APC: variants seen among roughly 807,000 people sequenced by gnomAD.
The protein encoded by APC is adenomatous polyposis coli protein.
In APC, 72 loss-of-function variants were observed where a neutral mutation model predicts 247.0. The ratio of observed to expected loss-of-function variants is 0.29; its 90% CI spans 0.24 to 0.35. APC has a LOEUF of 0.35. Among genes scored for constraint, APC ranks in the 10% least tolerant of loss-of-function variants. APC has a pLI of 1.00. For synonymous variants in APC, 1,254 were observed against 1,162.5 expected, an observed-to-expected ratio of 1.08 and a Z score of -1.60; for missense variants, 3,400 against 3,360.7, an observed-to-expected ratio of 1.01 and a Z score of -0.29.
intron 1 of APC, among the ~76,000 whole-genome samples, chr5:112,731,898 A>G (rs1404372787): frequency 6.6e-6 from 1 of 152,122 alleles, no homozygotes; most frequent in Admixed American, 6.5e-5. Flanking sequence ...AGTATCTGGG[A>G]CTACAGGCAT....
At chr5:112,791,877 T>C (rs1759644454) in intron 6 of APC, among the ~76,000 whole-genome samples, 1 of 152,250 alleles carries the variant, frequency 6.6e-6, no homozygotes, top group South Asian at 2.1e-4. Flanking sequence ...CAATTTGATA[T>C]ATGACTTGTA....
At chr5:112,783,676 A>G (rs1243892843) in intron 6 of APC, 3 of 233,514 alleles carry the variant, frequency 1.3e-5, no homozygotes, top group Non-Finnish European at 2.5e-5. Context: ...ACATCTGTAG[A>G]CCTAGTTACT....
intron 4 of APC, among the ~76,000 whole-genome samples, chr5:112,770,599 G>T (rs1214757590): frequency 1.3e-5 from 2 of 152,050 alleles, no homozygotes; most frequent in African/African-American, 4.8e-5. Context: ...AACTCTCACT[G>T]ATCATTAGTA....
intron 2 of APC, among the ~76,000 whole-genome samples, chr5:112,757,406 C>T (rs1340041373): frequency 6.6e-6 from 1 of 152,086 alleles, no homozygotes; most frequent in Admixed American, 6.6e-5. Context: ...ACTCGAATCA[C>T]GTTTCCTGTT....
At chr5:112,787,976 A>G (rs1252195431) in intron 6 of APC, among the ~76,000 whole-genome samples, 1 of 152,184 alleles carries the variant, frequency 6.6e-6, no homozygotes, top group African/African-American at 2.4e-5. Context: ...ACATGTGTGT[A>G]TATATAGTTA....
In APC at chr5:112,841,941, A is replaced by G. The variant is rs760961536; in HGVS notation, c.6347A>G (p.His2116Arg). ...EGANSIVSSL[H>R]QAAAAACLSR... ...GCAAATTCCATAGTAAGTAGTTTACATCAAGCTGCTGCTGCTGCATGTTTA... is the reference window on the plus strand; with the variant it reads ...GCAAATTCCATAGTAAGTAGTTTACGTCAAGCTGCTGCTGCTGCATGTTTA... The change falls in exon 16 of 16, where the codon CAT becomes CGT. Residue 2116 changes from histidine to arginine, a missense_variant. This residue lies in a region of APC where 1,788 missense variants were observed against 1,649.5 expected (regional missense o/e 1.08). Coordinates refer to ENST00000257430, the MANE Select transcript of APC (RefSeq NM_000038.6). The surrounding 1 kb of genome is among the most constrained non-coding windows in gnomAD (Gnocchi z 4.6). 1.2e-6 allele frequency: 2 copies of G among 1,613,996 alleles called. No individual in the cohort carries two copies. The highest frequency in any genetic ancestry group is 2.2e-5 in the South Asian group (2 of 91,080).
chr5:112,839,083 C>G lies in APC; in HGVS notation c.3489C>G (p.Ser1163Arg). Residue 1163 changes from serine to arginine, a missense_variant, in exon 16 of 16, where the codon AGC (serine) becomes AGG (arginine). Around this residue, in one of 9 missense-constraint regions of APC, gnomAD observed 715 missense variants for 656.6 expected, o/e 1.09. Coordinates refer to ENST00000257430, the MANE Select transcript of APC (RefSeq NM_000038.6). This position sits in a 1 kb window ranked among gnomAD's most constrained non-coding sequence, Gnocchi z 5.0. ...AAGAAGAGAGACCAACAAATTATAG[C>G]ATAAAATATAATGAAGAGAAACGTC... Reference protein sequence around the residue: ...HEEEERPTNYSIKYNEEKRHV... With the variant: ...HEEEERPTNYRIKYNEEKRHV... 1 of 1,613,978 alleles carries G rather than the reference C, an allele frequency of 6.2e-7. No homozygotes were observed. The highest frequency in any genetic ancestry group is 8.5e-7 in the Non-Finnish European group (1 of 1,179,942).
intron 11 of APC, 136 bp from the exon 12 acceptor site, chr5:112,826,972 A>G (rs986335811): frequency 1.0e-5 from 8 of 801,662 alleles, no homozygotes; most frequent in Non-Finnish European, 1.6e-5. Flanking sequence ...TTTGTAGCTT[A>G]TAATTCTAAA....
At chr5:112,771,804 G>C (rs1014670523) in intron 4 of APC, among the ~76,000 whole-genome samples, 1 of 151,412 alleles carries the variant, frequency 6.6e-6, no homozygotes, top group African/African-American at 2.4e-5. Context: ...TTTCTTTCTA[G>C]ACCTTCTTAA....
Position 112,836,165 on chromosome 5 carries a change from T to TTCCCCCCCCCCCCCCCCCCCCCCCC in APC, c.1958+1000_1958+1001insTCCCCCCCCCCCCCCCCCCCCCCCC. On this transcript the variant is annotated intron_variant, in intron 15 of 15. Transcript: ENST00000257430. ...CCTCCCGAGTAGCTGGGATTACAGG[T>TTCCCCCCCCCCCCCCCCCCCCCCCC]CCCCCCCCCCCCCCGCCACCGTGCC... Among the ~76,000 whole-genome samples the TTCCCCCCCCCCCCCCCCCCCCCCCC allele has an allele frequency of 8.2e-5, 2 of 24,478 alleles. 1 individual carries two copies. The highest frequency in any genetic ancestry group is 1.7e-4 in the Non-Finnish European group (2 of 11,756). 16.1% of individuals were successfully genotyped at this position (24,478 alleles called of 152,430 possible).
At chr5:112,741,820 T>G (rs370074657) in intron 1 of APC, among the ~76,000 whole-genome samples, 34 of 152,258 alleles carry the variant, frequency 2.2e-4, no homozygotes, top group African/African-American at 6.7e-4. Context: ...ACTCCACTTT[T>G]TGTCTCAAAG....
intron 1 of APC, among the ~76,000 whole-genome samples, chr5:112,724,818 C>T (rs890364313): frequency 5.9e-5 from 9 of 151,832 alleles, no homozygotes; most frequent in African/African-American, 2.2e-4. Flanking sequence ...AGGTGAGTGG[C>T]GGTGGGTAAG....
At chr5:112,817,824 A>G (rs1762660665) in intron 9 of APC, among the ~76,000 whole-genome samples, 1 of 152,216 alleles carries the variant, frequency 6.6e-6, no homozygotes, top group Non-Finnish European at 1.5e-5. Context: ...GAAATCAAAT[A>G]GCTTAACTAT....
intron 1 of APC, among the ~76,000 whole-genome samples, chr5:112,716,483 C>G (rs1751176546): frequency 6.6e-6 from 1 of 152,096 alleles, no homozygotes; most frequent in African/African-American, 2.4e-5. Flanking sequence ...AATTTGAGAT[C>G]TGTATATGGC....
intron 14 of APC, among the ~76,000 whole-genome samples, chr5:112,833,334 C>G (rs1352868855): frequency 1.3e-5 from 2 of 152,086 alleles, no homozygotes; most frequent in African/African-American, 4.8e-5. Flanking sequence ...AGGTGCCCAC[C>G]ACCACACCGG....
chr5:112,709,266 A>G (rs958116920), intron 1 of APC, among the ~76,000 whole-genome samples: 2 of 152,202 alleles, frequency 1.3e-5, no homozygotes, highest in Admixed American at 6.5e-5. Context: ...TTTACTTTTC[A>G]TTCTGTCTCA....
chr5:112,835,531 G>A (rs1310046478), intron 15 of APC, among the ~76,000 whole-genome samples: 3 of 150,902 alleles, frequency 2.0e-5, no homozygotes, highest in African/African-American at 7.3e-5. Flanking sequence ...GAATATAAAG[G>A]TTCACATTTT....
In APC at chr5:112,766,412, T is replaced by A. The variant is rs587781809; in HGVS notation, c.220+2T>A. 2 of 1,603,200 alleles carry A rather than the reference T, an allele frequency of 1.2e-6. No homozygotes were observed. The highest frequency in any genetic ancestry group is 1.7e-6 in the Non-Finnish European group (2 of 1,170,428). On this transcript the variant is annotated splice_donor_variant, in intron 3 of 15. Coordinates refer to ENST00000257430, the MANE Select transcript of APC (RefSeq NM_000038.6). LOFTEE classifies it high-confidence loss of function. ...TTGATTTATTAGAGCGTCTTAAAGG[T>A]AGATTTTAAAAAGGTGTTTTAAAAT...
At chr5:112,720,619 A>G (rs1034172674) in intron 1 of APC, among the ~76,000 whole-genome samples, 20 of 152,210 alleles carry the variant, frequency 1.3e-4, no homozygotes, top group African/African-American at 4.6e-4. Context: ...TATATTCTCC[A>G]TGAAGTAGGT....
Sources: gnomAD v4.1 joint callset for allele counts (sites outside exome capture counted in the v4.1 genomes callset) on GRCh38, gnomAD v4.1.1 for gene constraint, gnomAD v4.1.1 regional missense constraint, Gnocchi (gnomAD v3.1) non-coding constraint, MANE v1.5 for transcripts, NCBI Gene and HGNC (gene_info 2026-07-23, HGNC 2026-07-21) for gene names.